CA10: variants seen among roughly 807,000 people sequenced by gnomAD.
CA10 encodes the protein carbonic anhydrase-related protein 10.
In CA10, 14 loss-of-function variants were observed where a neutral mutation model predicts 44.2. The ratio of observed to expected loss-of-function variants is 0.32; its 90% CI spans 0.21 to 0.50. CA10 has a LOEUF of 0.50. Ranked by LOEUF, CA10 falls within the 20% of genes least tolerant of loss-of-function variation. CA10 has a pLI of 0.99. For missense variants in CA10, 350 were observed against 409.7 expected, an observed-to-expected ratio of 0.85 and a Z score of 1.26; for synonymous variants, 159 against 141.6, an observed-to-expected ratio of 1.12 and a Z score of -0.87.
At chr17:51,783,787 TGCTGAGGTTCTGCAGTGGGACCAGGAG>T (rs1459011702) in intron 3 of CA10, among the ~76,000 whole-genome samples, 1 of 152,118 alleles carries the variant, frequency 6.6e-6, no homozygotes, top group Non-Finnish European at 1.5e-5. Context: ...CTCTGTTAGG[TGCTGAGGTTCTGCAGTGGGACCAGGAG>T]GCTGAGGTTC....
At chr17:51,922,725 T>C (rs1195075606) in intron 3 of CA10, among the ~76,000 whole-genome samples, 1 of 152,206 alleles carries the variant, frequency 6.6e-6, no homozygotes, top group Non-Finnish European at 1.5e-5. Context: ...CCATCTTCCA[T>C]GAAGCAATGA....
At chr17:52,021,038 T>A (rs1403091280) in intron 2 of CA10, among the ~76,000 whole-genome samples, 1 of 152,094 alleles carries the variant, frequency 6.6e-6, no homozygotes, top group African/African-American at 2.4e-5. Flanking sequence ...CACATTTTAT[T>A]TATCCAGTCT....
At chr17:52,006,623 C>A (rs957935482) in intron 2 of CA10, among the ~76,000 whole-genome samples, 2 of 151,734 alleles carry the variant, frequency 1.3e-5, no homozygotes, top group Admixed American at 1.3e-4. Flanking sequence ...CCACATAACA[C>A]ATAGCATTTG....
chr17:51,815,077 A>G (rs1484380827), intron 3 of CA10, among the ~76,000 whole-genome samples: 1 of 152,100 alleles, frequency 6.6e-6, no homozygotes, highest in East Asian at 1.9e-4. Flanking sequence ...AGAGACTAAA[A>G]CAGCAGTGCT....
intron 2 of CA10, among the ~76,000 whole-genome samples, chr17:52,061,688 T>C (rs1234111168): frequency 1.3e-5 from 2 of 152,156 alleles, no homozygotes; most frequent in Non-Finnish European, 2.9e-5. Context: ...TGGCTTCTTC[T>C]CTCTCCTTCC....
chr17:51,671,496 C>A (rs1455186886), intron 4 of CA10, among the ~76,000 whole-genome samples: 2 of 152,138 alleles, frequency 1.3e-5, no homozygotes, highest in Non-Finnish European at 1.5e-5. Flanking sequence ...GCTCCACCTC[C>A]CGGGTTCACG....
intron 2 of CA10, among the ~76,000 whole-genome samples, chr17:51,949,910 T>C (rs1409748707): frequency 6.6e-6 from 1 of 152,258 alleles, no homozygotes; most frequent in Non-Finnish European, 1.5e-5. Context: ...AAATTTTGGA[T>C]AGTATATCCC....
At chr17:52,113,401 TA>T (rs1295151000) in intron 1 of CA10, among the ~76,000 whole-genome samples, 5 of 151,324 alleles carry the variant, frequency 3.3e-5, no homozygotes, top group South Asian at 2.1e-4. Context: ...TTCTGAGTTC[TA>T]AAAAAAAATG....
chr17:51,816,807 G>A (rs551041692), intron 3 of CA10, among the ~76,000 whole-genome samples: 2 of 151,742 alleles, frequency 1.3e-5, no homozygotes, highest in African/African-American at 4.8e-5. Flanking sequence ...TTCAGAGAAG[G>A]GTCCATAGCC....
intron 3 of CA10, among the ~76,000 whole-genome samples, chr17:51,863,400 GA>G (rs1979402794): frequency 6.6e-6 from 1 of 152,178 alleles, no homozygotes; most frequent in Non-Finnish European, 1.5e-5. Context: ...AGATGGCACG[GA>G]CCTTGCTCTT....
intron 4 of CA10, among the ~76,000 whole-genome samples, chr17:51,717,747 A>ATG (rs1916187844): frequency 2.0e-5 from 1 of 50,026 alleles, no homozygotes; most frequent in African/African-American, 6.1e-5. Flanking sequence ...GTATATATAC[A>ATG]TGTATATATA....
chr17:52,011,327 C>G (rs550262612), intron 2 of CA10, among the ~76,000 whole-genome samples: 3 of 152,068 alleles, frequency 2.0e-5, no homozygotes, highest in Admixed American at 1.3e-4. Context: ...TGAGTTTCTG[C>G]TGCGATCAGG....
At chr17:52,103,925 G>A (rs1005386798) in intron 1 of CA10, among the ~76,000 whole-genome samples, 3 of 152,192 alleles carry the variant, frequency 2.0e-5, no homozygotes, top group African/African-American at 7.2e-5. Flanking sequence ...AAGCAAGCTC[G>A]GGCTTTGGAG....
intron 4 of CA10, among the ~76,000 whole-genome samples, chr17:51,672,966 C>T (rs1914481157): frequency 2.0e-5 from 3 of 152,178 alleles, no homozygotes; most frequent in Admixed American, 2.0e-4. Flanking sequence ...TTAGTTTATT[C>T]CAAGGCATGC....
At chr17:52,006,648 T>C (rs1007506668) in intron 2 of CA10, among the ~76,000 whole-genome samples, 18 of 151,890 alleles carry the variant, frequency 1.2e-4, no homozygotes, top group Non-Finnish European at 2.2e-4. Flanking sequence ...TTAAAAAGTT[T>C]TACATAAATG....
At chr17:51,717,868 T>TATATATATACAC (rs1555589918) in intron 4 of CA10, among the ~76,000 whole-genome samples, 1 of 105,924 alleles carries the variant, frequency 9.4e-6, no homozygotes, top group African/African-American at 4.0e-5. Flanking sequence ...TATATATATA[T>TATATATATACAC]ACAGGATAGA....
chr17:51,894,207 G>A lies in CA10; in HGVS notation c.279+36783C>T, dbSNP rs141023531. On this transcript the variant is annotated intron_variant, in intron 3 of 8. Coordinates refer to ENST00000451037, the MANE Select transcript of CA10 (RefSeq NM_020178.5). The stretch of plus-strand genomic sequence containing the variant: ...AGGCTTTCTCAGCAAAATTCTGGGG[G>A]ACTCCAAGATCAGGGGGCAGAGAAA... Among the ~76,000 whole-genome samples the A allele has an allele frequency of 5.1e-4, 77 of 152,084 alleles. 1 individual carries two copies. In the East Asian group the frequency reaches 0.012, roughly 24 times the overall value.
intron 1 of CA10, among the ~76,000 whole-genome samples, chr17:52,113,109 T>C (rs963022970): frequency 5.9e-5 from 9 of 152,154 alleles, no homozygotes; most frequent in Admixed American, 2.6e-4. Flanking sequence ...TAGAATCAAT[T>C]AGAGGTTCTA....
At chr17:51,904,345 C>T (rs976585733) in intron 3 of CA10, among the ~76,000 whole-genome samples, 1 of 152,042 alleles carries the variant, frequency 6.6e-6, no homozygotes, top group Non-Finnish European at 1.5e-5. Flanking sequence ...CCTAAACTGG[C>T]TCATCTATCC....
Sources: gnomAD v4.1 joint callset for allele counts (sites outside exome capture counted in the v4.1 genomes callset) on GRCh38, gnomAD v4.1.1 for gene constraint, MANE v1.5 for transcripts, NCBI Gene and HGNC (gene_info 2026-07-23, HGNC 2026-07-21) for gene names.